IL12RB1: variants seen among roughly 807,000 people sequenced by gnomAD.
IL12RB1 encodes interleukin 12 receptor subunit beta 1, also known as interleukin-12 receptor subunit beta-1.
In IL12RB1, 64 loss-of-function variants were observed where a neutral mutation model predicts 94.4. The observed-to-expected ratio is 0.68, with a 90% CI of 0.55 to 0.83. The LOEUF is 0.83. IL12RB1 is among the 40% of genes least tolerant of loss of function. IL12RB1 has a pLI of 0.00. For missense variants in IL12RB1, 814 were observed against 855.6 expected (o/e 0.95, Z 0.61); for synonymous variants, 362 against 355.5 (o/e 1.02, Z -0.21).
intron 13 of IL12RB1, among the ~76,000 whole-genome samples, chr19:18,062,998 T>TTCCTCC (rs66462934): frequency 3.3e-5 from 3 of 90,824 alleles, no homozygotes; most frequent in East Asian, 2.5e-4. Flanking sequence ...TGTTGTTCTC[T>TTCCTCC]TCCTCCTCCT....
chr19:18,087,210 ATTTT>A (rs10640856), upstream of IL12RB1, among the ~76,000 whole-genome samples: 1 of 135,542 alleles, frequency 7.4e-6, no homozygotes, highest in Non-Finnish European at 1.6e-5. Context: ...TCTCTAGCCA[ATTTT>A]TTTTTTTTTT....
chr19:18,081,543 G>GGC (rs1349561044), intron 3 of IL12RB1, among the ~76,000 whole-genome samples: 1 of 151,778 alleles, frequency 6.6e-6, no homozygotes, highest in Non-Finnish European at 1.5e-5. Flanking sequence ...GAAAGGGCTG[G>GGC]GCGCAGTGCC....
At chr19:18,095,900 GAGAAAGTGCGAGTCCCAGGGAA>G (rs1281862523) in intron 1 of IL12RB1, among the ~76,000 whole-genome samples, 1 of 152,138 alleles carries the variant, frequency 6.6e-6, no homozygotes, top group Admixed American at 6.6e-5. Flanking sequence ...TGCGGCTGCA[GAGAAAGTGCGAGTCCCAGGGAA>G]AGAAAAAATG....
At position 18,059,983 on chromosome 19, in the gene IL12RB1, G is replaced by A; in HGVS notation, c.1894C>T (p.Leu632Phe). The change falls in exon 16 of 17, where the codon CTC becomes TTC. Residue 632 changes from leucine (L) to phenylalanine (F), a missense_variant. Physicochemically the swap from Leu to Phe is conservative, Grantham distance 22. Transcript: ENST00000593993. ...CCCTCAGGTAGCTCTGTCTTCTCGA[G>A]AGGCTCAGTCCTCTCGCCTTTGTCC... ...SWDKGERTEPLEKTELPEGAP... is the reference protein window; with the variant it reads ...SWDKGERTEPFEKTELPEGAP... 4 of 1,601,560 alleles carry A rather than the reference G, an allele frequency of 2.5e-6. No homozygotes were observed. The highest frequency in any genetic ancestry group is 3.4e-6 in the Non-Finnish European group (4 of 1,172,272).
chr19:18,083,321 G>T, intron 2 of IL12RB1, 111 bp downstream of exon 2: 1 of 1,017,846 alleles, frequency 9.8e-7, no homozygotes, highest in Non-Finnish European at 1.6e-6. Flanking sequence ...AAGACCACAG[G>T]CAGGGCTGGG....
intron 12 of IL12RB1, among the ~76,000 whole-genome samples, chr19:18,064,427 C>T (rs2034419702): frequency 6.6e-6 from 1 of 151,070 alleles, no homozygotes; most frequent in Admixed American, 6.6e-5. Context: ...GTGTGAGCCA[C>T]CAAGCCCAAC....
upstream of IL12RB1, among the ~76,000 whole-genome samples, chr19:18,089,624 CAAA>C (rs751947388): frequency 8.8e-6 from 1 of 113,466 alleles, no homozygotes. Flanking sequence ...GACTATGTCT[CAAA>C]AAAAAAAAAA....
At chr19:18,080,734 G>T in intron 4 of IL12RB1, 98 bp downstream of exon 4, 2 of 830,848 alleles carry the variant, frequency 2.4e-6, no homozygotes, top group Non-Finnish European at 4.3e-6. Context: ...GTAGTATCAA[G>T]TCCCTTGCCA....
chr19:18,062,336 G>T, intron 13 of IL12RB1, 59 bp from the exon 14 acceptor site: 1 of 1,043,254 alleles, frequency 9.6e-7, no homozygotes, highest in South Asian at 1.4e-5. Context: ...CTCAGGGAAG[G>T]AGCTAGGAGG....
chr19:18,083,593 A>T (rs868653783), intron 1 of IL12RB1, 102 bp from the exon 2 acceptor site: 21 of 953,700 alleles, frequency 2.2e-5, no homozygotes, highest in Non-Finnish European at 3.0e-5. Flanking sequence ...CAGCCCTCCC[A>T]CCCACCCACT....
intron 4 of IL12RB1, among the ~76,000 whole-genome samples, chr19:18,079,473 G>A (rs980881944): frequency 2.0e-5 from 3 of 151,952 alleles, no homozygotes; most frequent in African/African-American, 4.8e-5. Context: ...CTGTACCTTG[G>A]AACTCTAGAT....
chr19:18,066,477 C>G, intron 12 of IL12RB1, 65 bp downstream of exon 12: 4 of 1,185,314 alleles, frequency 3.4e-6, no homozygotes, highest in Non-Finnish European at 2.5e-6. Flanking sequence ...GGTCACACAG[C>G]AAGAGAGATC....
chr19:18,073,437 ACTTGCT>A (rs2035222809), intron 8 of IL12RB1, 74 bp downstream of exon 8: 1 of 859,284 alleles, frequency 1.2e-6, no homozygotes, highest in Admixed American at 1.7e-5. Context: ...TCCATCTACC[ACTTGCT>A]CATCCCCCGC....
chr19:18,069,813 C>T (rs542011799), intron 9 of IL12RB1, 100 bp from the exon 10 acceptor site: 5 of 890,688 alleles, frequency 5.6e-6, no homozygotes, highest in South Asian at 4.1e-5. Flanking sequence ...CTCGTCTATA[C>T]CCCTGACCCT....
chr19:18,062,921 C>G (rs1383527174), intron 13 of IL12RB1, among the ~76,000 whole-genome samples: 1 of 151,580 alleles, frequency 6.6e-6, no homozygotes, highest in Non-Finnish European at 1.5e-5. Context: ...GAAAGGACAC[C>G]GTGGCATGAA....
At chr19:18,066,382 C>T (rs2034580056) in intron 12 of IL12RB1, among the ~76,000 whole-genome samples, 160 bp downstream of exon 12, 2 of 152,068 alleles carry the variant, frequency 1.3e-5, no homozygotes, top group African/African-American at 4.8e-5. Context: ...GCTGGGATTA[C>T]AGGCGTGAGC....
At chr19:18,088,243 G>A (rs2036464550), upstream of IL12RB1, among the ~76,000 whole-genome samples, 1 of 151,754 alleles carries the variant, frequency 6.6e-6, no homozygotes, top group African/African-American at 2.4e-5. Context: ...AAAATTAACC[G>A]GGTGTGGTGG....
chr19:18,080,444 G>A (rs1359261278), intron 4 of IL12RB1, among the ~76,000 whole-genome samples: 1 of 151,996 alleles, frequency 6.6e-6, no homozygotes, highest in African/African-American at 2.4e-5. Context: ...TCACCATGTT[G>A]ACCAGGATGG....
chr19:18,088,388 AAT>A (rs372635550), upstream of IL12RB1, among the ~76,000 whole-genome samples: 20 of 108,384 alleles, frequency 1.8e-4, no homozygotes, highest in Non-Finnish European at 2.1e-4. Flanking sequence ...TCCATCTCAA[AAT>A]ATATATATAT....
Sources: gnomAD v4.1 joint callset for allele counts (sites outside exome capture counted in the v4.1 genomes callset) on GRCh38, gnomAD v4.1.1 for gene constraint, MANE v1.5 for transcripts, NCBI Gene and HGNC (gene_info 2026-07-23, HGNC 2026-07-21) for gene names.